Variants in ARHGEF38 observed in about 807,000 individuals in gnomAD.
The protein encoded by ARHGEF38 is Rho guanine nucleotide exchange factor (GEF) 38.
ARHGEF38 carries 79 observed loss-of-function variants against 79.9 expected under a neutral mutation model. The ratio of observed to expected loss-of-function variants is 0.99; its 90% CI spans 0.82 to 1.19. The LOEUF (loss-of-function observed/expected upper bound fraction) is 1.19. ARHGEF38 is among the 50% of genes most tolerant of loss of function. The pLI is 0.00. For synonymous variants in ARHGEF38, 366 were observed against 328.3 expected, an observed-to-expected ratio of 1.11 and a Z score of -1.24; for missense variants, 962 against 907.2, an observed-to-expected ratio of 1.06 and a Z score of -0.78.
rs867828328 is a variant in ARHGEF38 at position 105,561,470 on chromosome 4, G to C, written c.196+8509G>C. On this transcript the variant is annotated intron_variant, in intron 1 of 13. Coordinates refer to ENST00000420470, the MANE Select transcript of ARHGEF38 (RefSeq NM_001242729.2). The stretch of plus-strand genomic sequence containing the variant: ...GAATGGAATAGAATAGAATAGAATA[G>C]AATAGAATAGAATAGAATAGAATAG... 1.1e-4 allele frequency: 13 copies of C among 113,152 alleles called. 2 individuals are homozygous for C. The highest frequency in any genetic ancestry group is 1.9e-4 in the Non-Finnish European group (10 of 53,326). 7.0% of individuals were successfully genotyped at this position (113,152 alleles called of 1,614,324 possible). A position where few individuals can be genotyped will look rare whatever the true frequency, so the allele number is the denominator to read the frequency against.
At chr4:105,584,927 G>T (rs1415145307) in intron 1 of ARHGEF38, among the ~76,000 whole-genome samples, 1 of 152,080 alleles carries the variant, frequency 6.6e-6, no homozygotes, top group Non-Finnish European at 1.5e-5. Flanking sequence ...AGAGATCGAG[G>T]TTCTCCCCAC....
chr4:105,666,081 A>G (rs1730738226), intron 10 of ARHGEF38, 96 bp from the exon 11 acceptor site: 2 of 1,085,926 alleles, frequency 1.8e-6, no homozygotes, highest in East Asian at 3.0e-5. Flanking sequence ...GAGCTACCAT[A>G]TACCTCCTCA....
Position 105,666,168 on chromosome 4 carries a change from T to C in ARHGEF38, c.1546-9T>C, listed in dbSNP as rs554962074. Reference sequence around the variant, plus strand: ...TCTGGAAACAATGCCATATTATTTCTACCTATAGATGCCACTGTTGGTTTC... The same window carrying C: ...TCTGGAAACAATGCCATATTATTTCCACCTATAGATGCCACTGTTGGTTTC... On this transcript the variant is annotated splice_polypyrimidine_tract_variant and intron_variant, in intron 10 of 13. Transcript: ENST00000420470. 3.6e-5 allele frequency: 55 copies of C among 1,510,874 alleles called. No individual in the cohort carries two copies. In the African/African-American group the frequency reaches 7.3e-4, roughly 20 times the overall value. The allele number at this position is 1,510,874 out of a possible 1,614,324, so 93.6% of individuals were successfully genotyped here.
Position 105,552,904 on chromosome 4 carries a change from T to G in ARHGEF38, c.139T>G (p.Ser47Ala). ...VVESSVSGDH[S>A]GTLRRSQSDR... ...TGAGAGCAGTGTTTCTGGGGACCAC[T>G]CTGGCACCTTGAGGAGGAGCCAATC... Residue 47 changes from serine (S) to alanine (A), a missense_variant, in exon 1 of 14, where the codon TCT (serine) becomes GCT (alanine). Ser to Ala is a moderately conservative substitution (Grantham distance 99). Coordinates refer to ENST00000420470, the MANE Select transcript of ARHGEF38 (RefSeq NM_001242729.2). 4 of 1,613,882 alleles carry G rather than the reference T, an allele frequency of 2.5e-6. No individual in the cohort carries two copies. Among genetic ancestry groups the G allele is most frequent in the Non-Finnish European group, 3.4e-6 (4 of 1,179,842 alleles).
At chr4:105,671,199 T>C (rs558676957) in intron 13 of ARHGEF38, among the ~76,000 whole-genome samples, 1 of 152,308 alleles carries the variant, frequency 6.6e-6, no homozygotes, top group South Asian at 2.1e-4. Context: ...ATAAGCATTA[T>C]TACTAATAAA....
chr4:105,586,469 A>G (rs965175615), intron 1 of ARHGEF38, among the ~76,000 whole-genome samples: 1 of 152,198 alleles, frequency 6.6e-6, no homozygotes. Context: ...GTTGAGCAGT[A>G]TTGGAAAACC....
chr4:105,666,069 T>C (rs1175291760), intron 10 of ARHGEF38, 108 bp from the exon 11 acceptor site: 58 of 926,132 alleles, frequency 6.3e-5, no homozygotes, highest in Non-Finnish European at 8.0e-5. Flanking sequence ...CTTTTCACAA[T>C]GGAGCTACCA....
rs142487758 is a variant in ARHGEF38 at position 105,623,092 on chromosome 4, A to C, written c.509-7806A>C. Reference sequence around the variant, plus strand: ...AAGACTCCCATGGCAGGAAAATATCAAACACTGGGCATAACCCCTCCAGAA... The same window carrying C: ...AAGACTCCCATGGCAGGAAAATATCCAACACTGGGCATAACCCCTCCAGAA... On this transcript the variant is annotated intron_variant, in intron 3 of 13. Transcript: ENST00000420470. 3.5e-3 allele frequency among the ~76,000 whole-genome samples: 529 copies of C among 152,338 alleles called. 5 individuals carry two copies. The highest frequency in any genetic ancestry group is 3.4e-3 in the Non-Finnish European group (229 of 68,036).
At chr4:105,589,964 G>T (rs533850766) in intron 2 of ARHGEF38, among the ~76,000 whole-genome samples, 4 of 151,390 alleles carry the variant, frequency 2.6e-5, no homozygotes, top group Non-Finnish European at 5.9e-5. Context: ...GCTTGAACCC[G>T]GGAGACAGAG....
At position 105,667,127 on chromosome 4, in the gene ARHGEF38, A is replaced by G; in HGVS notation, c.1690-2A>G. 2.0e-6 allele frequency: 3 copies of G among 1,528,962 alleles called. No individual in the cohort carries two copies. In the South Asian group the frequency reaches 3.6e-5, roughly 18 times the overall value. The allele number at this position is 1,528,962 out of a possible 1,614,324, so 94.7% of individuals were successfully genotyped here. A position where few individuals can be genotyped will look rare whatever the true frequency, so the allele number is the denominator to read the frequency against. Reference sequence around the variant, plus strand: ...ACCAAAACTTCTCCTTATTTCTCCCAGCCAGAAATGCCACATCAAACTGAC... The same window carrying G: ...ACCAAAACTTCTCCTTATTTCTCCCGGCCAGAAATGCCACATCAAACTGAC... On this transcript the variant is annotated splice_acceptor_variant, in intron 11 of 13. Coordinates refer to ENST00000420470, the MANE Select transcript of ARHGEF38 (RefSeq NM_001242729.2). LOFTEE classifies it high-confidence loss of function.
In ARHGEF38 at chr4:105,625,950, C is replaced by A. The variant is rs143102738; in HGVS notation, c.509-4948C>A. Among the ~76,000 whole-genome samples, 1,163 of 152,194 alleles carry A rather than the reference C, an allele frequency of 7.6e-3. 18 individuals are homozygous for A. Among genetic ancestry groups the A allele is most frequent in the African/African-American group, 0.027 (1,124 of 41,508 alleles). On this transcript the variant is annotated intron_variant, in intron 3 of 13. Transcript: ENST00000420470. ...CTCTGCAGTCTCTTTTTCTTCTATACCATCCTCAATGTTAGTGTTTGCCAC... is the reference window on the plus strand; with the variant it reads ...CTCTGCAGTCTCTTTTTCTTCTATAACATCCTCAATGTTAGTGTTTGCCAC...
At position 105,666,225 on chromosome 4, in the gene ARHGEF38, G is replaced by T. The variant is rs1264957946; in HGVS notation, c.1594G>T (p.Glu532Ter). Residue 532 changes from glutamate to a stop codon, truncating the protein, a stop_gained, in exon 11 of 14, where the codon GAA becomes TAA. Coordinates refer to ENST00000420470, the MANE Select transcript of ARHGEF38 (RefSeq NM_001242729.2). LOFTEE classifies it high-confidence loss of function. The stretch of plus-strand genomic sequence containing the variant: ...TTCTGAGATTCAGAATCAAGTACTA[G>T]AAGAGATCCAAAATTTGAATTGTGT... ...SISEIQNQVLEEIQNLNCVKE... is the reference protein window; with the variant it reads ...SISEIQNQVL 1 of 1,535,388 alleles carries T rather than the reference G, an allele frequency of 6.5e-7. No individual in the cohort carries two copies. Among genetic ancestry groups the T allele is most frequent in the Admixed American group, 2.0e-5 (1 of 50,904 alleles).
rs1422528531 is a variant in ARHGEF38, at chr4:105,679,770, T to C, written c.*1833T>C. On this transcript the variant is annotated 3_prime_UTR_variant, in exon 14 of 14. Transcript: ENST00000420470. ...CTTTCTCTTGGTTGATAAAAACATA[T>C]ACAAACCCCTGTCTGTCCAGCTTTA... 2.1e-6 allele frequency: 2 copies of C among 955,578 alleles called. No homozygotes were observed. Among genetic ancestry groups the C allele is most frequent in the Admixed American group, 1.7e-5 (1 of 57,224 alleles). The allele number at this position is 955,578 out of a possible 1,614,324, so 59.2% of individuals were successfully genotyped here.
intron 2 of ARHGEF38, among the ~76,000 whole-genome samples, chr4:105,594,785 G>A (rs994667573): frequency 6.6e-6 from 1 of 152,080 alleles, no homozygotes; most frequent in Admixed American, 6.6e-5. Flanking sequence ...GACCTTTACC[G>A]AACTGATAAT....
At chr4:105,605,190 A>T (rs1727987743) in intron 2 of ARHGEF38, among the ~76,000 whole-genome samples, 1 of 152,160 alleles carries the variant, frequency 6.6e-6, no homozygotes, top group African/African-American at 2.4e-5. Flanking sequence ...AGAGACCTTT[A>T]GTCAACTATT....
chr4:105,655,219 A>T (rs534374493), intron 8 of ARHGEF38, among the ~76,000 whole-genome samples: 1 of 152,344 alleles, frequency 6.6e-6, no homozygotes, highest in African/African-American at 2.4e-5. Context: ...TCAACAAAAA[A>T]TGTAAGCATT....
chr4:105,622,839 T>C (rs1728792488), intron 3 of ARHGEF38, among the ~76,000 whole-genome samples: 1 of 152,130 alleles, frequency 6.6e-6, no homozygotes, highest in Non-Finnish European at 1.5e-5. Context: ...TCTACATATA[T>C]CTCATTCTAT....
chr4:105,643,847 A>G (rs945374125), intron 5 of ARHGEF38, among the ~76,000 whole-genome samples: 5 of 146,398 alleles, frequency 3.4e-5, no homozygotes, highest in Non-Finnish European at 7.5e-5. Context: ...GAATTGAATT[A>G]GATGGTCTCT....
intron 5 of ARHGEF38, among the ~76,000 whole-genome samples, chr4:105,643,535 G>A (rs897345365): frequency 2.6e-5 from 4 of 151,850 alleles, no homozygotes; most frequent in Admixed American, 6.6e-5. Context: ...ATTTATTCAC[G>A]TTTTTGGAAA....
Sources: allele counts gnomAD v4.1 joint callset (sites outside exome capture counted in the v4.1 genomes callset), GRCh38; gene constraint gnomAD v4.1.1; transcripts MANE v1.5; gene names NCBI Gene and HGNC (gene_info 2026-07-23, HGNC 2026-07-21).